Variants in ANAPC10 observed in about 807,000 individuals in gnomAD.
The protein encoded by ANAPC10 is anaphase-promoting complex subunit 10.
In ANAPC10, 12 loss-of-function variants were observed where a neutral mutation model predicts 22.0. The ratio of observed to expected loss-of-function variants is 0.55; its 90% CI spans 0.35 to 0.88. The LOEUF is 0.88. Among genes scored for constraint, ANAPC10 ranks in the 40% least tolerant of loss-of-function variants. ANAPC10 has a pLI of 0.01. For missense variants in ANAPC10, 188 were observed against 220.9 expected, an observed-to-expected ratio of 0.85 and a Z score of 0.94; for synonymous variants, 65 against 69.5, an observed-to-expected ratio of 0.94 and a Z score of 0.32.
chr4:145,061,478 C>A (rs1742880335), intron 4 of ANAPC10, among the ~76,000 whole-genome samples: 1 of 152,094 alleles, frequency 6.6e-6, no homozygotes, highest in Non-Finnish European at 1.5e-5. Context: ...TACATGAGGT[C>A]TTGAACTTAG....
intron 4 of ANAPC10, among the ~76,000 whole-genome samples, chr4:145,063,516 A>T (rs1174225853): frequency 6.6e-6 from 1 of 152,162 alleles, no homozygotes; most frequent in Non-Finnish European, 1.5e-5. Flanking sequence ...TAAGTCAAAT[A>T]AGAGCCAAGA....
At position 145,048,141 on chromosome 4, in the gene ANAPC10, C is replaced by T. The variant is rs548722455; in HGVS notation, c.327+16431G>A. On this transcript the variant is annotated intron_variant, in intron 4 of 4. Coordinates refer to ENST00000507656, the MANE Select transcript of ANAPC10 (RefSeq NM_001256706.2). ...ATTCTTTTCCTCAGTAAAGCTAAAA[C>T]GGACGCCCCTCCACTATCTTTAAAA... Among the ~76,000 whole-genome samples the T allele has an allele frequency of 2.6e-5, 4 of 152,214 alleles. No homozygotes were observed. The South Asian group carries it at 6.2e-4, about 24-fold the overall frequency.
chr4:145,025,296 A>C (rs1340180862), intron 4 of ANAPC10, among the ~76,000 whole-genome samples: 2 of 151,766 alleles, frequency 1.3e-5, no homozygotes, highest in Non-Finnish European at 2.9e-5. Context: ...CATTAGAACA[A>C]GAGGTTAGCT....
At chr4:145,057,166 A>G (rs934165257) in intron 4 of ANAPC10, among the ~76,000 whole-genome samples, 1 of 152,224 alleles carries the variant, frequency 6.6e-6, no homozygotes, top group South Asian at 2.1e-4. Flanking sequence ...CACAAATATT[A>G]TAATAAGAAA....
chr4:145,080,767 C>T (rs777164120), intron 3 of ANAPC10, among the ~76,000 whole-genome samples: 4 of 151,806 alleles, frequency 2.6e-5, no homozygotes, highest in Non-Finnish European at 4.4e-5. Flanking sequence ...ATTAGCCGGG[C>T]GTGGTGGCGC....
intron 2 of ANAPC10, among the ~76,000 whole-genome samples, chr4:145,091,294 G>A (rs754112771): frequency 2.6e-5 from 4 of 152,186 alleles, no homozygotes; most frequent in Admixed American, 6.5e-5. Flanking sequence ...TGATAGTAAT[G>A]AGGTACGATT....
At chr4:145,069,004 G>C (rs749813688) in intron 3 of ANAPC10, among the ~76,000 whole-genome samples, 1 of 152,196 alleles carries the variant, frequency 6.6e-6, no homozygotes, top group African/African-American at 2.4e-5. Flanking sequence ...ACCATGTTTT[G>C]AAAGGATATA....
intron 2 of ANAPC10, among the ~76,000 whole-genome samples, chr4:145,082,283 G>A (rs1050608754): frequency 1.3e-5 from 2 of 152,180 alleles, no homozygotes; most frequent in African/African-American, 4.8e-5. Flanking sequence ...CCAAGTAGCT[G>A]GGATTACAGG....
At chr4:145,047,041 G>A (rs1283500920) in intron 4 of ANAPC10, among the ~76,000 whole-genome samples, 1 of 152,204 alleles carries the variant, frequency 6.6e-6, no homozygotes, top group East Asian at 1.9e-4. Context: ...CATGGTAGAT[G>A]TTTTTACACT....
intron 3 of ANAPC10, among the ~76,000 whole-genome samples, chr4:145,072,207 T>C (rs1744589077): frequency 1.3e-5 from 2 of 152,158 alleles, no homozygotes; most frequent in African/African-American, 4.8e-5. Flanking sequence ...ACTGGGTAGG[T>C]TACCAAAAAG....
intron 4 of ANAPC10, among the ~76,000 whole-genome samples, chr4:144,999,015 C>T (rs950828536): frequency 1.3e-5 from 2 of 151,838 alleles, no homozygotes; most frequent in East Asian, 3.9e-4. Flanking sequence ...AGAAAATCTA[C>T]AAGAAATGGA....
At chr4:145,064,721 C>T (rs777990231) in intron 3 of ANAPC10, 29 bp from the exon 4 acceptor site, 42 of 1,475,590 alleles carry the variant, frequency 2.8e-5, no homozygotes, top group Non-Finnish European at 3.5e-5. Context: ...AAATAACATG[C>T]ACTTCATCAT....
chr4:145,006,439 G>A (rs1024397664), intron 4 of ANAPC10, among the ~76,000 whole-genome samples: 4 of 151,954 alleles, frequency 2.6e-5, no homozygotes, highest in African/African-American at 9.7e-5. Context: ...GAATAAGAAA[G>A]GAACGATAGC....
chr4:145,053,611 A>G (rs778978735), intron 4 of ANAPC10: 36 of 420,438 alleles, frequency 8.6e-5, no homozygotes, highest in Non-Finnish European at 1.4e-4. Context: ...AGATTCCCAA[A>G]TATCTACAAA....
At chr4:145,053,971 C>T (rs1451712469) in intron 4 of ANAPC10, among the ~76,000 whole-genome samples, 1 of 151,708 alleles carries the variant, frequency 6.6e-6, no homozygotes, top group Non-Finnish European at 1.5e-5. Context: ...TGCAGTGGTG[C>T]AATCTCAGCT....
chr4:145,046,647 G>A (rs1006556802), intron 4 of ANAPC10, among the ~76,000 whole-genome samples: 1 of 152,006 alleles, frequency 6.6e-6, no homozygotes, highest in Non-Finnish European at 1.5e-5. Context: ...TAGTTTCAAA[G>A]AATTAAATCT....
rs1158824604 is a variant in ANAPC10, at chr4:145,054,640, T to TGCGC, written c.327+9928_327+9931dup. On this transcript the variant is annotated intron_variant, in intron 4 of 4. Transcript: ENST00000507656. ...GTGTGTGTGTGTGTGTGTGTGTGTG[T>TGCGC]GCGCGCGCGCGCGCGTGCGTGCAGC... is the stretch of plus-strand genomic sequence containing the variant. Among the ~76,000 whole-genome samples, 150 of 90,314 alleles carry TGCGC rather than the reference T, an allele frequency of 1.7e-3. 2 individuals carry two copies. The highest frequency in any genetic ancestry group is 5.4e-3 in the African/African-American group (137 of 25,148). The allele number at this position is 90,314 out of a possible 152,430, so 59.2% of individuals were successfully genotyped here.
At chr4:145,061,564 T>A (rs1263863947) in intron 4 of ANAPC10, among the ~76,000 whole-genome samples, 1 of 152,146 alleles carries the variant, frequency 6.6e-6, no homozygotes, top group Non-Finnish European at 1.5e-5. Flanking sequence ...ATACCACGTA[T>A]ATCAAATCAA....
At chr4:145,070,261 A>T (rs1744299769) in intron 3 of ANAPC10, among the ~76,000 whole-genome samples, 1 of 152,222 alleles carries the variant, frequency 6.6e-6, no homozygotes, top group African/African-American at 2.4e-5. Context: ...TGGGAGCTTT[A>T]ATACTACAAT....
Sources: gnomAD v4.1 joint callset for allele counts (sites outside exome capture counted in the v4.1 genomes callset) on GRCh38, gnomAD v4.1.1 for gene constraint, MANE v1.5 for transcripts, NCBI Gene and HGNC (gene_info 2026-07-23, HGNC 2026-07-21) for gene names.